SPATS1: variants seen among roughly 807,000 people sequenced by gnomAD.
SPATS1 encodes the protein spermatogenesis-associated serine-rich protein 1.
A neutral mutation model predicts 33.6 loss-of-function variants in SPATS1; 23 were observed. That is an observed-to-expected ratio of 0.68 (90% CI 0.49 to 0.97). The LOEUF is 0.97. Among genes scored for constraint, SPATS1 ranks in the 50% least tolerant of loss-of-function variants. The probability of loss-of-function intolerance (pLI) is 0.00; values close to 1 mark genes in which losing one functional copy is unlikely to be tolerated. For synonymous variants in SPATS1, 131 were observed against 125.6 expected (o/e 1.04, Z -0.29); for missense variants, 327 against 361.0 (o/e 0.91, Z 0.76).
intron 2 of SPATS1, among the ~76,000 whole-genome samples, chr6:44,345,928 C>T (rs1391989310): frequency 1.3e-5 from 2 of 152,184 alleles, no homozygotes; most frequent in African/African-American, 4.8e-5. Context: ...CAAGCTGTGC[C>T]AAACACCTGG....
chr6:44,368,366 ACCT>A lies in SPATS1; in HGVS notation c.575-12_575-10del. 1 of 1,610,540 alleles carries A rather than the reference ACCT, an allele frequency of 6.2e-7. No homozygotes were observed. Among genetic ancestry groups the A allele is most frequent in the Non-Finnish European group, 8.5e-7 (1 of 1,178,528 alleles). On this transcript the variant is annotated splice_polypyrimidine_tract_variant and intron_variant, in intron 5 of 8. Coordinates refer to ENST00000674044, the MANE Select transcript of SPATS1 (RefSeq NM_001372081.1). ...AGCCCTTGTATGATTTTGTTTTCAA[ACCT>A]TCTCCACAGATATTGATCCCAGGAA...
At position 44,370,078 on chromosome 6, in the gene SPATS1, A is replaced by C. The variant is rs768555409; in HGVS notation, c.723A>C (p.Thr241=). ...TGCCTTATGAAAAGAAATTTGATAC[A>C]TTTATTCCACTTGAGCCTCTTCCAC... ...SIVPYEKKFD[T]FIPLEPLPQI... The change falls in exon 7 of 9, where the codon ACA becomes ACC. Residue 241 remains threonine (T), a synonymous_variant. Transcript: ENST00000674044. 4 of 1,612,406 alleles carry C rather than the reference A, an allele frequency of 2.5e-6. No individual in the cohort carries two copies. In the Admixed American group the frequency reaches 6.7e-5, roughly 27 times the overall value.
intron 8 of SPATS1, 61 bp from the exon 9 acceptor site, chr6:44,376,974 G>T: frequency 1.3e-6 from 2 of 1,596,662 alleles, no homozygotes; most frequent in Non-Finnish European, 1.7e-6. Context: ...CGAGTGTATT[G>T]ATTGAGAATT....
chr6:44,377,211 A>G lies in SPATS1; in HGVS notation c.*148A>G, dbSNP rs1790016525. 2 of 931,952 alleles carry G rather than the reference A, an allele frequency of 2.1e-6. No homozygotes were observed. Among genetic ancestry groups the G allele is most frequent in the South Asian group, 3.2e-5 (2 of 63,392 alleles). 57.7% of individuals were successfully genotyped at this position (931,952 alleles called of 1,614,324 possible). On this transcript the variant is annotated 3_prime_UTR_variant, in exon 9 of 9. Transcript: ENST00000674044. ...TGCTTTTTTAAAACTTTATATTTTGAAAACTTTCACATTTACATAAAAGTT... is the reference window on the plus strand; with the variant it reads ...TGCTTTTTTAAAACTTTATATTTTGGAAACTTTCACATTTACATAAAAGTT...
chr6:44,365,629 C>T (rs1226224196), intron 5 of SPATS1, among the ~76,000 whole-genome samples: 2 of 152,182 alleles, frequency 1.3e-5, no homozygotes, highest in African/African-American at 4.8e-5. Flanking sequence ...TTAAATGCTT[C>T]TTTTTAAAGT....
intron 7 of SPATS1, among the ~76,000 whole-genome samples, chr6:44,370,505 AG>A (rs1184154396): frequency 2.6e-5 from 4 of 152,192 alleles, no homozygotes; most frequent in African/African-American, 9.7e-5. Flanking sequence ...GAAAGCTAAC[AG>A]AGCACTTCTG....
chr6:44,347,147 TCTTA>T (rs1375394092), intron 2 of SPATS1, among the ~76,000 whole-genome samples: 1 of 152,178 alleles, frequency 6.6e-6, no homozygotes, highest in Admixed American at 6.5e-5. Flanking sequence ...CACTGCATGT[TCTTA>T]CTTATAAGTG....
At chr6:44,369,090 G>A (rs1430501562) in intron 6 of SPATS1, among the ~76,000 whole-genome samples, 4 of 151,946 alleles carry the variant, frequency 2.6e-5, no homozygotes, top group African/African-American at 9.7e-5. Flanking sequence ...TAGAGACGGG[G>A]TTTCACCATG....
Position 44,343,100 on chromosome 6 carries a change from G to A in SPATS1, c.5G>A (p.Ser2Asn), listed in dbSNP as rs1583073818. MSPSMLTGNSPR... is the reference protein window; with the variant it reads MNPSMLTGNSPR... The stretch of plus-strand genomic sequence containing the variant: ...TTAAAATCATCATGGGCACAGATGA[G>A]TCCATCCATGCTCACTGGAAACAGT... Residue 2 changes from serine to asparagine, a missense_variant, in exon 2 of 9, where the codon AGT becomes AAT. Physicochemically the swap from Ser to Asn is conservative, Grantham distance 46 (BLOSUM62 1). Coordinates refer to ENST00000674044, the MANE Select transcript of SPATS1 (RefSeq NM_001372081.1). 1.2e-6 allele frequency: 2 copies of A among 1,614,020 alleles called. No homozygotes were observed. The highest frequency in any genetic ancestry group is 3.3e-5 in the Admixed American group (2 of 60,006).
intron 7 of SPATS1, 91 bp downstream of exon 7, chr6:44,370,204 C>T (rs1284570032): frequency 7.3e-6 from 9 of 1,225,014 alleles, no homozygotes; most frequent in Middle Eastern, 2.3e-4. Flanking sequence ...AGGTAGATAA[C>T]CAGGACACAG....
chr6:44,370,309 T>G (rs559499557), intron 7 of SPATS1, among the ~76,000 whole-genome samples, 196 bp downstream of exon 7: 8 of 152,288 alleles, frequency 5.3e-5, no homozygotes, highest in East Asian at 1.9e-4. Context: ...TGGTCACATA[T>G]TCAACAGATG....
chr6:44,350,146 T>C (rs1417105306), intron 2 of SPATS1, among the ~76,000 whole-genome samples: 1 of 152,156 alleles, frequency 6.6e-6, no homozygotes, highest in East Asian at 1.9e-4. Context: ...ACCCTAAGAA[T>C]CACCTGAGGT....
chr6:44,370,551 C>G (rs1789542437), intron 7 of SPATS1, among the ~76,000 whole-genome samples: 1 of 152,208 alleles, frequency 6.6e-6, no homozygotes, highest in African/African-American at 2.4e-5. Flanking sequence ...TAATTTCATA[C>G]TTTTGCTTCA....
Position 44,368,410 on chromosome 6 carries a change from A to T in SPATS1, c.606A>T (p.Leu202Phe), listed in dbSNP as rs747764604. The change falls in exon 6 of 9, where the codon TTA (leucine) becomes TTT (phenylalanine). Residue 202 changes from leucine (L) to phenylalanine (F), a missense_variant. Coordinates refer to ENST00000674044, the MANE Select transcript of SPATS1 (RefSeq NM_001372081.1). ...DIDPRNGIPKLTPGDNPYMYP... is the reference protein window; with the variant it reads ...DIDPRNGIPKFTPGDNPYMYP... ...ATCCCAGGAATGGAATCCCAAAGTT[A>T]ACTCCAGGCGACAATCCATATATGT... is the stretch of plus-strand genomic sequence containing the variant. 2 of 1,613,612 alleles carry T rather than the reference A, an allele frequency of 1.2e-6. No homozygotes were observed. The highest frequency in any genetic ancestry group is 1.1e-5 in the South Asian group (1 of 91,028).
chr6:44,359,859 C>T (rs1385842114), intron 3 of SPATS1, among the ~76,000 whole-genome samples: 1 of 151,978 alleles, frequency 6.6e-6, no homozygotes, highest in African/African-American at 2.4e-5. Context: ...CATAAGCCAC[C>T]ATGCCCAGCC....
At chr6:44,370,168 T>A in intron 7 of SPATS1, 55 bp downstream of exon 7, 1 of 1,506,992 alleles carries the variant, frequency 6.6e-7, no homozygotes, top group East Asian at 2.3e-5. Flanking sequence ...TATCGATTAT[T>A]TTATTGTTTC....
chr6:44,353,521 G>C (rs991183787), intron 3 of SPATS1, among the ~76,000 whole-genome samples: 1 of 152,154 alleles, frequency 6.6e-6, no homozygotes, highest in Non-Finnish European at 1.5e-5. Flanking sequence ...AAAGTGCTGG[G>C]ATTACAGGTG....
At chr6:44,358,857 C>T (rs1788741009) in intron 3 of SPATS1, among the ~76,000 whole-genome samples, 1 of 152,148 alleles carries the variant, frequency 6.6e-6, no homozygotes, top group South Asian at 2.1e-4. Context: ...TAGCACAATG[C>T]TTTCAAGGTG....
intron 5 of SPATS1, among the ~76,000 whole-genome samples, chr6:44,364,471 C>T (rs1439875173): frequency 6.6e-6 from 1 of 152,194 alleles, no homozygotes; most frequent in African/African-American, 2.4e-5. Context: ...TTGCTGATTA[C>T]ATTGCTTGGT....
Sources: allele counts gnomAD v4.1 joint callset (sites outside exome capture counted in the v4.1 genomes callset), GRCh38; gene constraint gnomAD v4.1.1; transcripts MANE v1.5; gene names NCBI Gene and HGNC (gene_info 2026-07-23, HGNC 2026-07-21).